AK7: variants seen among roughly 807,000 people sequenced by gnomAD.
AK7 encodes the protein adenylate kinase 7.
Under a neutral mutation model 96.6 loss-of-function variants are expected in AK7, and 78 were observed. The observed-to-expected ratio is 0.81, with a 90% confidence interval of 0.67 to 0.97. The LOEUF (loss-of-function observed/expected upper bound fraction) is 0.97, where lower values mean the gene tolerates loss of function less well. AK7 is among the 50% of genes least tolerant of loss of function. The pLI is 0.00. For synonymous variants in AK7, 302 were observed against 317.2 expected, an observed-to-expected ratio of 0.95 and a Z score of 0.51; for missense variants, 855 against 887.9, an observed-to-expected ratio of 0.96 and a Z score of 0.47.
chr14:96,483,477 A>G (rs1381151998), intron 16 of AK7, among the ~76,000 whole-genome samples: 2 of 149,736 alleles, frequency 1.3e-5, no homozygotes, highest in South Asian at 2.1e-4. Flanking sequence ...GCTGGAGTGC[A>G]GTGGTGCAAT....
At chr14:96,418,897 G>A (rs978350917) in intron 4 of AK7, among the ~76,000 whole-genome samples, 1 of 152,192 alleles carries the variant, frequency 6.6e-6, no homozygotes, top group African/African-American at 2.4e-5. Context: ...CTTTGGATTG[G>A]TTATTTAACT....
chr14:96,416,003 G>A (rs1222220569), intron 4 of AK7, among the ~76,000 whole-genome samples: 1 of 152,036 alleles, frequency 6.6e-6, no homozygotes, highest in Non-Finnish European at 1.5e-5. Flanking sequence ...AAGGGCCGAC[G>A]GGCTCTGATT....
intron 5 of AK7, among the ~76,000 whole-genome samples, chr14:96,422,536 C>T (rs1891763456): frequency 6.6e-6 from 1 of 152,132 alleles, no homozygotes; most frequent in South Asian, 2.1e-4. Flanking sequence ...AGGCTCCCCA[C>T]AAGGGTCGCA....
In AK7 at chr14:96,481,470, C is replaced by T. The variant is rs182569043; in HGVS notation, c.1754-1529C>T. On this transcript the variant is annotated intron_variant, in intron 15 of 17. Transcript: ENST00000267584. ...CAAGCGTTTCTCCTGCCTCAGCCTCCCAAGTAGCTGGGATTACAGGTGTAT... is the reference window on the plus strand; with the variant it reads ...CAAGCGTTTCTCCTGCCTCAGCCTCTCAAGTAGCTGGGATTACAGGTGTAT... 3.3e-5 allele frequency among the ~76,000 whole-genome samples: 5 copies of T among 152,218 alleles called. No homozygotes were observed. In the East Asian group the frequency reaches 7.7e-4, roughly 24 times the overall value.
At chr14:96,459,942 G>A (rs146528414) in intron 12 of AK7, among the ~76,000 whole-genome samples, 388 of 152,260 alleles carry the variant, frequency 2.5e-3, no homozygotes, top group Middle Eastern at 6.8e-3. Flanking sequence ...ACAGGAAGAC[G>A]TAGAAATAAA....
intron 15 of AK7, among the ~76,000 whole-genome samples, chr14:96,479,323 C>A (rs1200453602): frequency 6.6e-6 from 1 of 151,722 alleles, no homozygotes; most frequent in African/African-American, 2.4e-5. Flanking sequence ...GTGATCTGCC[C>A]GCCTCGGCCT....
intron 12 of AK7, among the ~76,000 whole-genome samples, chr14:96,460,488 G>A (rs564323653): frequency 1.3e-5 from 2 of 152,230 alleles, no homozygotes; most frequent in East Asian, 1.9e-4. Flanking sequence ...GGTGACAGAC[G>A]GCATGCTTGC....
At chr14:96,484,657 G>C (rs898137425) in intron 16 of AK7, among the ~76,000 whole-genome samples, 3 of 152,042 alleles carry the variant, frequency 2.0e-5, no homozygotes, top group African/African-American at 7.2e-5. Flanking sequence ...GGCATTTCCT[G>C]GTCTCTGTAA....
intron 12 of AK7, among the ~76,000 whole-genome samples, chr14:96,463,536 AGT>A (rs1894382309): frequency 6.6e-6 from 1 of 151,772 alleles, no homozygotes; most frequent in African/African-American, 2.4e-5. Flanking sequence ...TGGCTAACAC[AGT>A]GAAACCCCGT....
intron 6 of AK7, among the ~76,000 whole-genome samples, chr14:96,441,271 G>A (rs1003006084): frequency 3.9e-5 from 6 of 152,012 alleles, no homozygotes; most frequent in Non-Finnish European, 1.5e-5. Flanking sequence ...ACATTGTCAG[G>A]GTGAAATTCA....
At position 96,454,398 on chromosome 14, in the gene AK7, G is replaced by A. The variant is rs181589470; in HGVS notation, c.1099-1949G>A. On this transcript the variant is annotated intron_variant, in intron 10 of 17. Coordinates refer to ENST00000267584, the MANE Select transcript of AK7 (RefSeq NM_152327.5). ...ACTCATTGATTATGAACACCATAGG[G>A]CTTCTTTAGCATTCAATCAAGTTTA... 3.3e-5 allele frequency among the ~76,000 whole-genome samples: 5 copies of A among 151,286 alleles called. No individual in the cohort carries two copies. In the East Asian group the frequency reaches 9.7e-4, roughly 29 times the overall value.
intron 4 of AK7, among the ~76,000 whole-genome samples, chr14:96,409,438 GCCA>G (rs1890911976): frequency 6.6e-6 from 1 of 152,162 alleles, no homozygotes; most frequent in African/African-American, 2.4e-5. Context: ...TGGGCGTGGT[GCCA>G]GGTGCCTGTA....
chr14:96,451,538 C>G lies in AK7; in HGVS notation c.1066C>G (p.Leu356Val). 2 of 1,581,404 alleles carry G rather than the reference C, an allele frequency of 1.3e-6. No individual in the cohort carries two copies. The highest frequency in any genetic ancestry group is 1.7e-6 in the Non-Finnish European group (2 of 1,161,704). The change falls in exon 10 of 18, where the codon CTC becomes GTC. Residue 356 changes from leucine to valine, a missense_variant. Leu to Val is a conservative substitution (Grantham distance 32). Transcript: ENST00000267584. The part of the protein sequence containing the change: ...TGFVENINTI[L>V]KEYKQSRGLM... ...ATTTGTGGAAAATATCAACACTATC[C>G]TCAAGGAGTACAAGCAAAGCAGAGG...
chr14:96,453,795 A>G (rs888669999), intron 10 of AK7, among the ~76,000 whole-genome samples: 10 of 152,194 alleles, frequency 6.6e-5, no homozygotes, highest in Non-Finnish European at 1.2e-4. Flanking sequence ...CACCTGGATA[A>G]AGTGAGCCCA....
At chr14:96,421,040 A>G (rs1355491300) in intron 5 of AK7, 108 bp downstream of exon 5, 1 of 725,148 alleles carries the variant, frequency 1.4e-6, no homozygotes, top group Non-Finnish European at 2.3e-6. Context: ...GGCTCACCCC[A>G]GGATACACTG....
intron 10 of AK7, among the ~76,000 whole-genome samples, chr14:96,453,670 T>G (rs1373344296): frequency 6.6e-6 from 1 of 152,210 alleles, no homozygotes; most frequent in Non-Finnish European, 1.5e-5. Flanking sequence ...TGGCTCCCAG[T>G]GTCCATCTGC....
At chr14:96,441,562 C>G (rs1892957416) in intron 6 of AK7, among the ~76,000 whole-genome samples, 3 of 143,996 alleles carry the variant, frequency 2.1e-5, no homozygotes, top group African/African-American at 7.8e-5. Context: ...TCACTTAAAC[C>G]TGGGAGGCAG....
chr14:96,394,877 G>A (rs1244040003), intron 1 of AK7, among the ~76,000 whole-genome samples: 1 of 152,162 alleles, frequency 6.6e-6, no homozygotes, highest in African/African-American at 2.4e-5. Context: ...TCCAGAGGCC[G>A]AGGCAGGAGA....
intron 5 of AK7, among the ~76,000 whole-genome samples, chr14:96,421,786 TA>T (rs1891714460): frequency 6.6e-6 from 1 of 152,218 alleles, no homozygotes; most frequent in Middle Eastern, 3.4e-3. Flanking sequence ...TTTGTATTTT[TA>T]GTAGAGTCAG....
Sources: allele counts gnomAD v4.1 joint callset (sites outside exome capture counted in the v4.1 genomes callset), GRCh38; gene constraint gnomAD v4.1.1; transcripts MANE v1.5; gene names NCBI Gene and HGNC (gene_info 2026-07-23, HGNC 2026-07-21).